SLC35D4: variants seen among roughly 807,000 people sequenced by gnomAD.
SLC35D4 encodes UDP-N-acetylglucosamine transporter SLC35D4.
chr18:23,295,066 T>G, the SLC35D4 span, among the ~76,000 whole-genome samples: 1 of 150,238 alleles, frequency 6.7e-6, no homozygotes, highest in South Asian at 2.1e-4. Context: ...TTGTATAGAG[T>G]TTTACAGGAG....
the SLC35D4 span, chr18:23,254,018 C>A: frequency 8.4e-7 from 1 of 1,195,332 alleles, no homozygotes; most frequent in African/African-American, 1.5e-5. Flanking sequence ...GGTCAGTGAC[C>A]CTGCCTGGAA....
chr18:23,301,106 T>C, the SLC35D4 span, among the ~76,000 whole-genome samples: 1 of 152,240 alleles, frequency 6.6e-6, no homozygotes, highest in Non-Finnish European at 1.5e-5. Flanking sequence ...AGTCCCAAAC[T>C]ATTTGGTCTA....
At chr18:23,257,210 TTTTC>T in the SLC35D4 span, 1 of 1,604,840 alleles carries the variant, frequency 6.2e-7, no homozygotes, top group Non-Finnish European at 8.5e-7. Context: ...ATGCTTTTGA[TTTTC>T]TTTTTGTTGC....
the SLC35D4 span, among the ~76,000 whole-genome samples, chr18:23,263,680 C>T: frequency 1.3e-5 from 2 of 152,178 alleles, no homozygotes; most frequent in Non-Finnish European, 2.9e-5. Context: ...GGCTGCTGTC[C>T]CTTTAATCAG....
the SLC35D4 span, among the ~76,000 whole-genome samples, chr18:23,334,355 G>T: frequency 1.3e-5 from 2 of 152,144 alleles, no homozygotes; most frequent in African/African-American, 4.8e-5. Context: ...GCTCACACAA[G>T]AAGACTGACA....
At chr18:23,244,908 G>A in the SLC35D4 span, among the ~76,000 whole-genome samples, 1 of 152,198 alleles carries the variant, frequency 6.6e-6, no homozygotes, top group South Asian at 2.1e-4. Context: ...AATTCCTGGG[G>A]AAACTTGAAG....
the SLC35D4 span, among the ~76,000 whole-genome samples, chr18:23,249,933 G>T: frequency 6.6e-6 from 1 of 152,188 alleles, no homozygotes; most frequent in African/African-American, 2.4e-5. Context: ...CCCAGCGCTG[G>T]CCCCTGCCTG....
the SLC35D4 span, chr18:23,352,290 C>G: frequency 6.2e-7 from 1 of 1,605,876 alleles, no homozygotes. Flanking sequence ...CAAAAATCCA[C>G]TGGAAGGAGA....
At chr18:23,298,200 G>T in the SLC35D4 span, 2 of 998,168 alleles carry the variant, frequency 2.0e-6, no homozygotes, top group Non-Finnish European at 1.5e-6. Flanking sequence ...GAACTGCCAT[G>T]CTTCCAGGTC....
chr18:23,389,996 A>C, the SLC35D4 span, among the ~76,000 whole-genome samples: 2 of 152,234 alleles, frequency 1.3e-5, no homozygotes, highest in African/African-American at 2.4e-5. Context: ...AGCAGGACTT[A>C]TTTTTGTTAA....
the SLC35D4 span, among the ~76,000 whole-genome samples, chr18:23,285,360 CTCT>C: frequency 6.6e-6 from 1 of 152,034 alleles, no homozygotes; most frequent in African/African-American, 2.4e-5. Context: ...AACTTAAAAC[CTCT>C]TCAACTCTCG....
the SLC35D4 span, among the ~76,000 whole-genome samples, chr18:23,387,202 C>A: frequency 6.6e-6 from 1 of 152,150 alleles, no homozygotes; most frequent in Non-Finnish European, 1.5e-5. Flanking sequence ...TGAGCCACTG[C>A]CCCTGGCCTG....
chr18:23,271,734 T>C, the SLC35D4 span, among the ~76,000 whole-genome samples: 1 of 152,104 alleles, frequency 6.6e-6, no homozygotes, highest in East Asian at 1.9e-4. Flanking sequence ...CTCCGACCTC[T>C]GGGGAGAGGA....
chr18:23,304,014 G>A, the SLC35D4 span, among the ~76,000 whole-genome samples: 2 of 149,960 alleles, frequency 1.3e-5, no homozygotes, highest in Admixed American at 6.6e-5. Flanking sequence ...CCAGGAGTTT[G>A]AGATCAGCCT....
chr18:23,339,883 C>T, the SLC35D4 span, among the ~76,000 whole-genome samples: 1 of 152,178 alleles, frequency 6.6e-6, no homozygotes, highest in Admixed American at 6.5e-5. Flanking sequence ...CCAAAGTCCC[C>T]GCCTCTTACT....
the SLC35D4 span, among the ~76,000 whole-genome samples, chr18:23,339,498 A>T: frequency 1.3e-5 from 2 of 152,252 alleles, no homozygotes; most frequent in Non-Finnish European, 2.9e-5. Context: ...TACAATAGTC[A>T]GCACTGTCAG....
chr18:23,279,845 A>G, the SLC35D4 span, among the ~76,000 whole-genome samples: 2 of 152,290 alleles, frequency 1.3e-5, no homozygotes, highest in Non-Finnish European at 1.5e-5. Flanking sequence ...ATACATATAT[A>G]CACACACATA....
At chr18:23,267,580 G>T in the SLC35D4 span, among the ~76,000 whole-genome samples, 1 of 152,064 alleles carries the variant, frequency 6.6e-6, no homozygotes, top group East Asian at 1.9e-4. Flanking sequence ...CCTCTGTCAT[G>T]GCTCTCCGGC....
chr18:23,426,224 C>T, the SLC35D4 span, among the ~76,000 whole-genome samples: 4 of 151,980 alleles, frequency 2.6e-5, no homozygotes, highest in Admixed American at 2.6e-4. Context: ...ATATATTTGA[C>T]CACATAAAAA....
Sources: gnomAD v4.1 joint callset for allele counts (sites outside exome capture counted in the v4.1 genomes callset) on GRCh38, gnomAD v4.1.1 for gene constraint, MANE v1.5 for transcripts, NCBI Gene and HGNC (gene_info 2026-07-23, HGNC 2026-07-21) for gene names.